The following NRIP1 variants were observed in gnomAD, a reference collection of about 807,000 sequenced individuals.
NRIP1 encodes the protein nuclear receptor-interacting protein 1.
In NRIP1, 28 loss-of-function variants were observed where a neutral mutation model predicts 75.0. That is an observed-to-expected ratio of 0.37 (90% CI 0.28 to 0.51). NRIP1 has a LOEUF of 0.51. Among genes scored for constraint, NRIP1 ranks in the 20% least tolerant of loss-of-function variants. The pLI is 0.92. For synonymous variants in NRIP1, 526 were observed against 487.6 expected (o/e 1.08, Z -1.04); for missense variants, 1,435 against 1,343.7 (o/e 1.07, Z -1.06).
intron 3 of NRIP1, chr21:14,974,256 G>T (rs1406242833): frequency 2.0e-5 from 3 of 152,024 alleles, no homozygotes; most frequent in Non-Finnish European, 2.9e-5. Context: ...GAAACTGACA[G>T]CTCATCAACA....
chr21:15,002,145 AATATG>A (rs2087862634), intron 3 of NRIP1: 2 of 152,216 alleles, frequency 1.3e-5, no homozygotes, highest in African/African-American at 4.8e-5. Context: ...GGAGTGTCAC[AATATG>A]CAATACAATA....
upstream of NRIP1, chr21:15,065,084 C>T (rs1978768753): frequency 6.5e-6 from 1 of 154,548 alleles, no homozygotes. Context: ...GCGGCCCAGT[C>T]CCTCCCCTCG....
rs543166680 is a variant in NRIP1 at position 15,034,704 on chromosome 21, T to C, written c.-458+8791A>G. On this transcript the variant is annotated intron_variant, in intron 2 of 3. Coordinates refer to ENST00000318948, the MANE Select transcript of NRIP1 (RefSeq NM_003489.4). ...GAGGAAGTGGAAAGAACTAGGTCAG[T>C]AGGTGGCAGATGTTAAGTGGTTCAA... 6.6e-5 allele frequency among the ~76,000 whole-genome samples: 10 copies of C among 152,158 alleles called. No individual in the cohort carries two copies. In the South Asian group the frequency reaches 2.1e-3, roughly 32 times the overall value.
At chr21:15,012,127 C>T (rs1050338911) in intron 3 of NRIP1, among the ~76,000 whole-genome samples, 1 of 152,034 alleles carries the variant, frequency 6.6e-6, no homozygotes, top group Non-Finnish European at 1.5e-5. Flanking sequence ...GTTTAGAATC[C>T]TCAACTTGTC....
At chr21:14,969,713 A>G (rs748478699) in intron 3 of NRIP1, among the ~76,000 whole-genome samples, 45 of 152,216 alleles carry the variant, frequency 3.0e-4, no homozygotes, top group Non-Finnish European at 6.5e-4. Flanking sequence ...TAATTGAAAG[A>G]CTACCCTGTA....
rs74662233 is a variant in NRIP1, at chr21:15,020,444, A to G, written c.-457-5978T>C. Among the ~76,000 whole-genome samples the G allele has an allele frequency of 0.012, 1,863 of 152,334 alleles. 201 individuals are homozygous for G. In the East Asian group the frequency reaches 0.26, roughly 21 times the overall value. ...TATCTCTCAACATACAAAAATAACT[A>G]AAAATGGATTATAGTCTGAATTGTA... On this transcript the variant is annotated intron_variant, in intron 2 of 3. Transcript: ENST00000318948.
Position 14,965,972 on chromosome 21 carries a change from G to T in NRIP1, c.2221C>A (p.His741Asn), listed in dbSNP as rs753684835. The T allele has an allele frequency of 4.3e-5, 70 of 1,613,800 alleles. No homozygotes were observed. In the South Asian group the frequency reaches 7.6e-4, roughly 17 times the overall value. ...TPLRDESTQE[H>N]SERALSEQIL... ...TGTTCACTTAAAGCTCTCTCTGAGT[G>T]TTCCTGAGTACTTTCATCTCTTAAG... The change falls in exon 4 of 4, where the codon CAC becomes AAC. Residue 741 changes from histidine to asparagine, a missense_variant. Coordinates refer to ENST00000318948, the MANE Select transcript of NRIP1 (RefSeq NM_003489.4).
intron 2 of NRIP1, among the ~76,000 whole-genome samples, chr21:15,041,881 T>G (rs1458538633): frequency 6.6e-6 from 1 of 152,176 alleles, no homozygotes; most frequent in Non-Finnish European, 1.5e-5. Flanking sequence ...ATTTTAAATT[T>G]AATTTTTTGG....
chr21:15,006,005 T>G (rs1036122947), intron 3 of NRIP1, among the ~76,000 whole-genome samples: 1 of 152,114 alleles, frequency 6.6e-6, no homozygotes, highest in Non-Finnish European at 1.5e-5. Flanking sequence ...CCATCAATAT[T>G]TATCTCTAGA....
chr21:15,033,905 G>A (rs1024628673), intron 2 of NRIP1, among the ~76,000 whole-genome samples: 1 of 152,140 alleles, frequency 6.6e-6, no homozygotes, highest in Admixed American at 6.5e-5. Context: ...ATCATTTCAT[G>A]AAAAATTAAC....
intron 2 of NRIP1, among the ~76,000 whole-genome samples, chr21:15,031,587 GCGC>G (rs2088693696): frequency 7.2e-6 from 1 of 139,690 alleles, no homozygotes; most frequent in African/African-American, 2.8e-5. Flanking sequence ...ACTCTGGAAG[GCGC>G]TCGGAGGATC....
At chr21:14,972,254 G>T (rs1410925716) in intron 3 of NRIP1, among the ~76,000 whole-genome samples, 1 of 152,154 alleles carries the variant, frequency 6.6e-6, no homozygotes, top group Non-Finnish European at 1.5e-5. Context: ...AAACTAGAGA[G>T]GGAGAAATCA....
intron 3 of NRIP1, among the ~76,000 whole-genome samples, chr21:14,974,056 T>C (rs2086980238): frequency 6.6e-6 from 1 of 151,934 alleles, no homozygotes; most frequent in African/African-American, 2.4e-5. Flanking sequence ...ATCATCTGGG[T>C]CCAAAAGACA....
chr21:15,004,478 A>C, intron 3 of NRIP1, among the ~76,000 whole-genome samples: 1 of 152,236 alleles, frequency 6.6e-6, no homozygotes, highest in Non-Finnish European at 1.5e-5. Flanking sequence ...GAGGTGATAT[A>C]CATTAAGTCT....
chr21:15,008,219 T>C (rs972308599), intron 3 of NRIP1, among the ~76,000 whole-genome samples: 9 of 151,964 alleles, frequency 5.9e-5, no homozygotes, highest in Admixed American at 2.6e-4. Flanking sequence ...CAGACTGTAC[T>C]CTCAGAAAAG....
At chr21:15,012,181 C>G (rs1183788537) in intron 3 of NRIP1, among the ~76,000 whole-genome samples, 1 of 152,156 alleles carries the variant, frequency 6.6e-6, no homozygotes, top group African/African-American at 2.4e-5. Context: ...CTTTTGGAGA[C>G]ACAGTCCACT....
chr21:15,006,795 A>C (rs1333886629), intron 3 of NRIP1, among the ~76,000 whole-genome samples: 1 of 152,208 alleles, frequency 6.6e-6, no homozygotes, highest in Non-Finnish European at 1.5e-5. Context: ...CCGAGAGTGC[A>C]CAGTGCCGGT....
intron 3 of NRIP1, among the ~76,000 whole-genome samples, chr21:14,994,012 T>C (rs576710788): frequency 3.9e-5 from 6 of 152,344 alleles, no homozygotes; most frequent in African/African-American, 1.4e-4. Flanking sequence ...TATATTTTAC[T>C]ATGCCTTGGT....
chr21:15,031,140 C>G (rs1227179992), intron 2 of NRIP1, among the ~76,000 whole-genome samples: 6 of 75,060 alleles, frequency 8.0e-5, no homozygotes, highest in East Asian at 1.2e-3. Flanking sequence ...CTGGAAGGCG[C>G]ACGGAGGATC....
Sources: gnomAD v4.1 joint callset for allele counts (sites outside exome capture counted in the v4.1 genomes callset) on GRCh38, gnomAD v4.1.1 for gene constraint, MANE v1.5 for transcripts, NCBI Gene and HGNC (gene_info 2026-07-23, HGNC 2026-07-21) for gene names.